The following ACBD6 variants were observed in gnomAD, a reference collection of about 807,000 sequenced individuals.
ACBD6 encodes the protein acyl-CoA-binding domain-containing protein 6.
A neutral mutation model predicts 37.2 loss-of-function variants in ACBD6; 28 were observed. The observed-to-expected ratio is 0.75, with a 90% CI of 0.56 to 1.03. The LOEUF (loss-of-function observed/expected upper bound fraction) is 1.03, where lower values mean the gene tolerates loss of function less well. ACBD6 is among the 50% of genes least tolerant of loss of function. ACBD6 has a pLI of 0.00. For synonymous variants in ACBD6, 113 were observed against 126.8 expected (o/e 0.89, Z 0.73); for missense variants, 340 against 337.4 (o/e 1.01, Z -0.06).
At chr1:180,490,091 T>C (rs1192182987) in intron 3 of ACBD6, among the ~76,000 whole-genome samples, 1 of 152,196 alleles carries the variant, frequency 6.6e-6, no homozygotes, top group Non-Finnish European at 1.5e-5. Flanking sequence ...AATAGTGTAG[T>C]ATAAATCAAC....
intron 7 of ACBD6, among the ~76,000 whole-genome samples, chr1:180,289,546 A>ATATATAC (rs1649619922): frequency 6.6e-6 from 1 of 152,166 alleles, no homozygotes; most frequent in Non-Finnish European, 1.5e-5. Flanking sequence ...TACAGGTTAA[A>ATATATAC]CCTAAACACA....
chr1:180,393,312 A>T (rs892144598), intron 6 of ACBD6, among the ~76,000 whole-genome samples: 3 of 151,526 alleles, frequency 2.0e-5, no homozygotes, highest in Non-Finnish European at 4.4e-5. Flanking sequence ...GCCGCAGTAT[A>T]AAAAAAAATG....
chr1:180,441,059 C>T (rs1289025979), intron 3 of ACBD6, among the ~76,000 whole-genome samples: 1 of 152,122 alleles, frequency 6.6e-6, no homozygotes, highest in Non-Finnish European at 1.5e-5. Flanking sequence ...AATTCCACTC[C>T]TGTATATACC....
chr1:180,276,964 A>G (rs866786137), intron 9 of ACBD6: 2 of 152,216 alleles, frequency 1.3e-5, no homozygotes, highest in Admixed American at 6.5e-5. Context: ...ATTTATACTA[A>G]TAATATAATA....
In ACBD6 at chr1:180,409,253, A is replaced by T. The variant is rs573182591; in HGVS notation, c.573+4113T>A. ...GACTAATAGTAACATTTGATTTTTTAAAAAAACAAATGTATTAACTTTATA... is the reference window on the plus strand; with the variant it reads ...GACTAATAGTAACATTTGATTTTTTTAAAAAACAAATGTATTAACTTTATA... On this transcript the variant is annotated intron_variant, in intron 5 of 7. Transcript: ENST00000367595. Among the ~76,000 whole-genome samples the T allele has an allele frequency of 1.4e-3, 218 of 152,292 alleles. 1 individual carries two copies. The highest frequency in any genetic ancestry group is 2.2e-3 in the African/African-American group (93 of 41,564).
intron 3 of ACBD6, among the ~76,000 whole-genome samples, chr1:180,440,354 CCA>C (rs1649231345): frequency 6.6e-6 from 1 of 152,104 alleles, no homozygotes; most frequent in Non-Finnish European, 1.5e-5. Context: ...AGTGATCTGC[CCA>C]TCTCAGCCTC....
chr1:180,363,085 G>A (rs561449445), intron 6 of ACBD6, among the ~76,000 whole-genome samples: 60 of 152,174 alleles, frequency 3.9e-4, no homozygotes, highest in Non-Finnish European at 7.6e-4. Flanking sequence ...TAACATGTAG[G>A]TCCTTTTTCT....
intron 3 of ACBD6, among the ~76,000 whole-genome samples, chr1:180,446,675 G>GT (rs1423544625): frequency 6.6e-6 from 1 of 152,122 alleles, no homozygotes; most frequent in Non-Finnish European, 1.5e-5. Context: ...ATAAACGTAT[G>GT]TTTTTAACCT....
chr1:180,453,435 A>G (rs576643583), intron 3 of ACBD6, among the ~76,000 whole-genome samples: 1 of 152,356 alleles, frequency 6.6e-6, no homozygotes, highest in East Asian at 1.9e-4. Flanking sequence ...CCCACAGCCA[A>G]TATCATATTG....
intron 3 of ACBD6, among the ~76,000 whole-genome samples, chr1:180,431,680 G>T (rs1282032958): frequency 6.6e-6 from 1 of 152,050 alleles, no homozygotes; most frequent in Admixed American, 6.6e-5. Flanking sequence ...CCAAATACAT[G>T]TTCCATTGAT....
chr1:180,319,267 C>T (rs551547130), intron 6 of ACBD6, among the ~76,000 whole-genome samples: 2 of 152,332 alleles, frequency 1.3e-5, no homozygotes, highest in South Asian at 4.1e-4. Context: ...CAGTGTCTTG[C>T]ATATACTGTG....
intron 6 of ACBD6, among the ~76,000 whole-genome samples, chr1:180,343,484 T>C (rs1385226632): frequency 6.6e-6 from 1 of 152,204 alleles, no homozygotes; most frequent in African/African-American, 2.4e-5. Flanking sequence ...CCTGTTTTTC[T>C]CTGTTCTGAC....
chr1:180,301,756 G>A lies in ACBD6; in HGVS notation c.694+12936C>T, dbSNP rs116516252. Among the ~76,000 whole-genome samples, 824 of 152,168 alleles carry A rather than the reference G, an allele frequency of 5.4e-3. 8 individuals are homozygous for A. The highest frequency in any genetic ancestry group is 0.019 in the African/African-American group (779 of 41,524). On this transcript the variant is annotated intron_variant, in intron 7 of 7. Coordinates refer to ENST00000367595, the MANE Select transcript of ACBD6 (RefSeq NM_032360.4). Reference sequence around the variant, plus strand: ...AGAACTGCGAGATCACTTTTTAACTGTAATACACAATTTACTGGAGGGACA... The same window carrying A: ...AGAACTGCGAGATCACTTTTTAACTATAATACACAATTTACTGGAGGGACA...
intron 3 of ACBD6, among the ~76,000 whole-genome samples, chr1:180,483,423 T>C (rs952211771): frequency 2.6e-5 from 4 of 152,152 alleles, no homozygotes; most frequent in Non-Finnish European, 5.9e-5. Flanking sequence ...TATTAATATT[T>C]ACTATAATAT....
intron 7 of ACBD6, among the ~76,000 whole-genome samples, chr1:180,290,347 A>G (rs889616102): frequency 6.6e-6 from 1 of 152,106 alleles, no homozygotes; most frequent in Admixed American, 6.6e-5. Flanking sequence ...GTGTGCTACC[A>G]TGCTTGGCTC....
intron 6 of ACBD6, among the ~76,000 whole-genome samples, chr1:180,345,199 T>C (rs920485335): frequency 6.6e-6 from 1 of 152,186 alleles, no homozygotes; most frequent in African/African-American, 2.4e-5. Context: ...CACTATTCAG[T>C]AAAAACTCAA....
intron 7 of ACBD6, among the ~76,000 whole-genome samples, chr1:180,304,303 G>C (rs1261931116): frequency 6.6e-6 from 1 of 150,768 alleles, no homozygotes; most frequent in Non-Finnish European, 1.5e-5. Flanking sequence ...ATTAGGAAAA[G>C]AGGAAGTCAA....
At chr1:180,489,781 C>T (rs906002623) in intron 3 of ACBD6, among the ~76,000 whole-genome samples, 2 of 151,934 alleles carry the variant, frequency 1.3e-5, no homozygotes, top group Admixed American at 1.3e-4. Flanking sequence ...CTCAGGCTCC[C>T]GCATAGCTGG....
intron 6 of ACBD6, among the ~76,000 whole-genome samples, chr1:180,395,850 C>T (rs542220025): frequency 1.1e-3 from 160 of 152,292 alleles, no homozygotes; most frequent in Non-Finnish European, 1.9e-3. Context: ...GACATTTGTA[C>T]ACCCATGTTC....
Sources: gnomAD v4.1 joint callset for allele counts (sites outside exome capture counted in the v4.1 genomes callset) on GRCh38, gnomAD v4.1.1 for gene constraint, MANE v1.5 for transcripts, NCBI Gene and HGNC (gene_info 2026-07-23, HGNC 2026-07-21) for gene names.